NALF1: variants seen among roughly 807,000 people sequenced by gnomAD.
NALF1 encodes the protein family with sequence similarity 155 member A.
NALF1 carries 3 observed loss-of-function variants against 48.4 expected under a neutral mutation model. The observed-to-expected ratio is 0.06, with a 90% CI of 0.03 to 0.16. The LOEUF (loss-of-function observed/expected upper bound fraction) is 0.16, where lower values mean the gene tolerates loss of function less well. Among genes scored for constraint, NALF1 ranks in the 10% least tolerant of loss-of-function variants. The pLI is 1.00. For synonymous variants in NALF1, 262 were observed against 245.7 expected (o/e 1.07, Z -0.62); for missense variants, 526 against 571.5 (o/e 0.92, Z 0.81).
intron 1 of NALF1, among the ~76,000 whole-genome samples, chr13:107,652,821 C>A (rs1313467210): frequency 1.3e-5 from 2 of 152,144 alleles, no homozygotes. Context: ...CTTATGTTAT[C>A]AGTAAAGGCC....
intron 1 of NALF1, among the ~76,000 whole-genome samples, chr13:107,438,836 A>AAAT: frequency 1.4e-5 from 2 of 147,092 alleles, no homozygotes; most frequent in African/African-American, 2.5e-5. Flanking sequence ...TCAAAAAAAA[A>AAAT]AAAAAAAAAA....
chr13:107,552,291 A>T (rs1276942766), intron 1 of NALF1, among the ~76,000 whole-genome samples: 1 of 152,224 alleles, frequency 6.6e-6, no homozygotes, highest in Non-Finnish European at 1.5e-5. Flanking sequence ...TGTTTCCTGA[A>T]CAAATAAATA....
chr13:107,447,726 T>C (rs1382179447), intron 1 of NALF1, among the ~76,000 whole-genome samples: 1 of 152,154 alleles, frequency 6.6e-6, no homozygotes, highest in Non-Finnish European at 1.5e-5. Flanking sequence ...GCTAATTCCG[T>C]GGCAGCAGCT....
At chr13:107,406,216 T>C (rs1883896899) in intron 1 of NALF1, among the ~76,000 whole-genome samples, 2 of 152,056 alleles carry the variant, frequency 1.3e-5, no homozygotes, top group South Asian at 4.1e-4. Flanking sequence ...TTACATTGCC[T>C]TTGGAATAAG....
intron 1 of NALF1, among the ~76,000 whole-genome samples, chr13:107,323,463 C>T (rs996283664): frequency 6.6e-6 from 1 of 152,084 alleles, no homozygotes; most frequent in African/African-American, 2.4e-5. Context: ...TTTGATCTGC[C>T]TCTGAGTTTA....
At chr13:107,334,403 C>A (rs1882520099) in intron 1 of NALF1, among the ~76,000 whole-genome samples, 1 of 152,142 alleles carries the variant, frequency 6.6e-6, no homozygotes, top group Admixed American at 6.5e-5. Context: ...TATTCTTTTC[C>A]AACCCCTCCT....
At chr13:107,375,780 T>A (rs528478183) in intron 1 of NALF1, among the ~76,000 whole-genome samples, 36 of 152,208 alleles carry the variant, frequency 2.4e-4, no homozygotes, top group Non-Finnish European at 4.1e-4. Flanking sequence ...AAGAAAAGAA[T>A]GTTCTAGAGA....
chr13:107,841,204 T>C (rs982385639), intron 1 of NALF1, among the ~76,000 whole-genome samples: 1 of 152,166 alleles, frequency 6.6e-6, no homozygotes, highest in Non-Finnish European at 1.5e-5. Context: ...AAATAAAATT[T>C]TAACAGCATT....
chr13:107,263,463 G>A (rs193058165), intron 1 of NALF1, among the ~76,000 whole-genome samples: 31 of 152,160 alleles, frequency 2.0e-4, no homozygotes, highest in East Asian at 9.7e-4. Flanking sequence ...TGGCCCCACC[G>A]AAATCTCATC....
chr13:107,651,807 T>C (rs1482033722), intron 1 of NALF1, among the ~76,000 whole-genome samples: 2 of 152,164 alleles, frequency 1.3e-5, no homozygotes, highest in East Asian at 3.9e-4. Flanking sequence ...TATTGAGATC[T>C]AGTCTAATTA....
intron 2 of NALF1, among the ~76,000 whole-genome samples, chr13:107,185,443 C>A (rs976140130): frequency 6.8e-6 from 1 of 147,466 alleles, no homozygotes; most frequent in Non-Finnish European, 1.5e-5. Flanking sequence ...CTCACTTCCC[C>A]TGTGGATACT....
chr13:107,590,147 T>A (rs1190648245), intron 1 of NALF1, among the ~76,000 whole-genome samples: 1 of 152,052 alleles, frequency 6.6e-6, no homozygotes, highest in Non-Finnish European at 1.5e-5. Context: ...AAATGTTTAA[T>A]CTTTATTTAG....
chr13:107,803,663 C>T (rs1878688212), intron 1 of NALF1, among the ~76,000 whole-genome samples: 1 of 152,158 alleles, frequency 6.6e-6, no homozygotes, highest in African/African-American at 2.4e-5. Context: ...AAAGTTACCC[C>T]AGAAGTATGG....
intron 1 of NALF1, among the ~76,000 whole-genome samples, chr13:107,346,364 C>A (rs964202032): frequency 3.3e-5 from 5 of 152,154 alleles, no homozygotes; most frequent in African/African-American, 9.7e-5. Context: ...ATCCAAGAGG[C>A]AGACGCCACC....
intron 1 of NALF1, among the ~76,000 whole-genome samples, chr13:107,219,317 T>C (rs1378137914): frequency 1.3e-5 from 2 of 152,224 alleles, no homozygotes; most frequent in African/African-American, 2.4e-5. Flanking sequence ...CTGTATGGAC[T>C]GTCACAAAAG....
intron 1 of NALF1, among the ~76,000 whole-genome samples, chr13:107,422,970 C>A (rs1884217451): frequency 6.6e-6 from 1 of 152,066 alleles, no homozygotes. Context: ...AACAGGACTG[C>A]AATCCTGCCG....
chr13:107,356,440 G>A (rs966341731), intron 1 of NALF1, among the ~76,000 whole-genome samples: 1 of 152,122 alleles, frequency 6.6e-6, no homozygotes, highest in Non-Finnish European at 1.5e-5. Context: ...GATGCTTTTC[G>A]ATTACTATAT....
intron 1 of NALF1, among the ~76,000 whole-genome samples, chr13:107,813,281 A>C (rs1879054340): frequency 6.6e-6 from 1 of 152,204 alleles, no homozygotes; most frequent in South Asian, 2.1e-4. Flanking sequence ...TTGATAGAAA[A>C]TGACTGTTAT....
At chr13:107,462,166 ATT>A (rs1206430523) in intron 1 of NALF1, among the ~76,000 whole-genome samples, 1 of 151,956 alleles carries the variant, frequency 6.6e-6, no homozygotes, top group East Asian at 1.9e-4. Context: ...GTTAAAGATC[ATT>A]TTTTTTGTGT....
Sources: allele counts gnomAD v4.1 joint callset (sites outside exome capture counted in the v4.1 genomes callset), GRCh38; gene constraint gnomAD v4.1.1; transcripts MANE v1.5; gene names NCBI Gene and HGNC (gene_info 2026-07-23, HGNC 2026-07-21).